Variants in MYO1D observed in about 807,000 individuals in gnomAD.
The protein encoded by MYO1D is unconventional myosin-Id.
A neutral mutation model predicts 122.0 loss-of-function variants in MYO1D; 83 were observed. The ratio of observed to expected loss-of-function variants is 0.68; its 90% CI spans 0.57 to 0.82. The LOEUF (loss-of-function observed/expected upper bound fraction) is 0.82, where lower values mean the gene tolerates loss of function less well. Ranked by LOEUF, MYO1D falls within the 40% of genes least tolerant of loss-of-function variation. The probability of loss-of-function intolerance (pLI) is 0.00; values close to 1 mark genes in which losing one functional copy is unlikely to be tolerated. For synonymous variants in MYO1D, 464 were observed against 446.9 expected (o/e 1.04, Z -0.48); for missense variants, 1,157 against 1,269.5 (o/e 0.91, Z 1.35).
At chr17:32,872,845 C>T (rs557965038) in intron 1 of MYO1D, among the ~76,000 whole-genome samples, 40 of 150,342 alleles carry the variant, frequency 2.7e-4, no homozygotes, top group Middle Eastern at 3.5e-3. Context: ...TACAGGCGCC[C>T]GCCACCGCGC....
intron 16 of MYO1D, among the ~76,000 whole-genome samples, chr17:32,660,361 C>T (rs534308632): frequency 2.0e-5 from 3 of 152,328 alleles, no homozygotes. Flanking sequence ...TCAAAGCCCA[C>T]AGTATGGGTT....
intron 10 of MYO1D, among the ~76,000 whole-genome samples, chr17:32,756,657 C>T (rs1179784745): frequency 1.3e-5 from 2 of 151,192 alleles, no homozygotes; most frequent in African/African-American, 4.9e-5. Flanking sequence ...TTTTGGTTTC[C>T]CCAAAGTTAA....
At chr17:32,843,315 A>G (rs981728292) in intron 1 of MYO1D, among the ~76,000 whole-genome samples, 4 of 152,234 alleles carry the variant, frequency 2.6e-5, no homozygotes, top group African/African-American at 9.6e-5. Context: ...CCAAACATGC[A>G]GACAACCATC....
At chr17:32,875,620 T>C (rs544088636) in intron 1 of MYO1D, among the ~76,000 whole-genome samples, 2 of 152,330 alleles carry the variant, frequency 1.3e-5, no homozygotes, top group East Asian at 3.9e-4. Context: ...GGGTGATTTC[T>C]ATAAAAGTTG....
At chr17:32,711,809 G>A (rs2089380078) in intron 16 of MYO1D, among the ~76,000 whole-genome samples, 179 bp downstream of exon 16, 1 of 152,098 alleles carries the variant, frequency 6.6e-6, no homozygotes, top group Non-Finnish European at 1.5e-5. Context: ...AAATAATTTT[G>A]AACTGGGGCA....
At chr17:32,802,624 A>G (rs571884484) in intron 1 of MYO1D, among the ~76,000 whole-genome samples, 1 of 152,316 alleles carries the variant, frequency 6.6e-6, no homozygotes, top group South Asian at 2.1e-4. Flanking sequence ...TTCAAACTTA[A>G]AAGTTGTAAG....
chr17:32,710,923 G>A (rs1265703020), intron 16 of MYO1D, among the ~76,000 whole-genome samples: 1 of 152,132 alleles, frequency 6.6e-6, no homozygotes, highest in Non-Finnish European at 1.5e-5. Flanking sequence ...GAAGATACTG[G>A]TAGGGATATG....
At chr17:32,716,191 C>T (rs965359443) in intron 15 of MYO1D, among the ~76,000 whole-genome samples, 4 of 152,170 alleles carry the variant, frequency 2.6e-5, no homozygotes, top group African/African-American at 4.8e-5. Flanking sequence ...TCCCACTGCC[C>T]GGAATGCATT....
intron 1 of MYO1D, among the ~76,000 whole-genome samples, chr17:32,788,639 G>C (rs982321194): frequency 1.3e-5 from 2 of 152,140 alleles, no homozygotes; most frequent in Admixed American, 6.5e-5. Flanking sequence ...GTACCATGCT[G>C]TTTTGGTAAC....
chr17:32,697,302 C>G (rs1425124569), intron 16 of MYO1D, among the ~76,000 whole-genome samples: 1 of 152,196 alleles, frequency 6.6e-6, no homozygotes, highest in Non-Finnish European at 1.5e-5. Context: ...CCACATGTCA[C>G]AGTGTTGTAA....
intron 1 of MYO1D, among the ~76,000 whole-genome samples, chr17:32,876,321 A>T (rs917460639): frequency 6.6e-6 from 1 of 152,262 alleles, no homozygotes; most frequent in Admixed American, 6.5e-5. Context: ...GCAAGTGTAA[A>T]GCCGGGATGA....
intron 1 of MYO1D, among the ~76,000 whole-genome samples, chr17:32,843,582 TC>T (rs570370860): frequency 1.1e-4 from 17 of 152,276 alleles, no homozygotes; most frequent in Admixed American, 6.5e-4. Context: ...AGCTTTATTT[TC>T]CCCTATCTTA....
At chr17:32,763,428 G>T (rs929202165) in intron 8 of MYO1D, among the ~76,000 whole-genome samples, 1 of 152,266 alleles carries the variant, frequency 6.6e-6, no homozygotes. Context: ...TTTATGATAT[G>T]CTAAGAACAC....
At chr17:32,637,592 A>G (rs963012912) in intron 20 of MYO1D, among the ~76,000 whole-genome samples, 1 of 152,144 alleles carries the variant, frequency 6.6e-6, no homozygotes, top group Non-Finnish European at 1.5e-5. Flanking sequence ...AATCACCTGA[A>G]CCTAGGAGGT....
intron 16 of MYO1D, among the ~76,000 whole-genome samples, chr17:32,679,922 C>T (rs961367708): frequency 6.7e-6 from 1 of 149,830 alleles, no homozygotes; most frequent in Admixed American, 6.6e-5. Context: ...TGTTTGTATC[C>T]TCTTTTATTT....
chr17:32,524,705 G>A (rs1170687647), intron 21 of MYO1D, among the ~76,000 whole-genome samples: 3 of 151,858 alleles, frequency 2.0e-5, no homozygotes, highest in Non-Finnish European at 4.4e-5. Flanking sequence ...TGGGATTACA[G>A]GTGCCCACCA....
chr17:32,808,331 T>C (rs2090537834), intron 1 of MYO1D, among the ~76,000 whole-genome samples: 1 of 148,598 alleles, frequency 6.7e-6, no homozygotes, highest in Non-Finnish European at 1.5e-5. Flanking sequence ...GATATGATCA[T>C]GCCACTGCAC....
chr17:32,688,947 G>GTA (rs1310465398), intron 16 of MYO1D, among the ~76,000 whole-genome samples: 5 of 149,240 alleles, frequency 3.4e-5, no homozygotes, highest in Admixed American at 2.7e-4. Context: ...GTGTGTGTGT[G>GTA]TATGTGTGTA....
chr17:32,858,210 A>G (rs1271303377), intron 1 of MYO1D, among the ~76,000 whole-genome samples: 1 of 152,120 alleles, frequency 6.6e-6, no homozygotes, highest in Admixed American at 6.6e-5. Context: ...ATGACCAGAA[A>G]CTCATTACCT....
Sources: allele counts gnomAD v4.1 joint callset (sites outside exome capture counted in the v4.1 genomes callset), GRCh38; gene constraint gnomAD v4.1.1; transcripts MANE v1.5; gene names NCBI Gene and HGNC (gene_info 2026-07-23, HGNC 2026-07-21).